PPP1R10: variants seen among roughly 807,000 people sequenced by gnomAD.
The protein encoded by PPP1R10 is protein phosphatase 1 regulatory subunit 10, also known as serine/threonine-protein phosphatase 1 regulatory subunit 10.
A neutral mutation model predicts 99.0 loss-of-function variants in PPP1R10; 15 were observed. The ratio of observed to expected loss-of-function variants is 0.15; its 90% CI spans 0.10 to 0.23. The LOEUF (loss-of-function observed/expected upper bound fraction) is 0.23, where lower values mean the gene tolerates loss of function less well. Among genes scored for constraint, PPP1R10 ranks in the 10% least tolerant of loss-of-function variants. The pLI is 1.00. For synonymous variants in PPP1R10, 430 were observed against 449.5 expected, an observed-to-expected ratio of 0.96 and a Z score of 0.55; for missense variants, 947 against 1,259.4, an observed-to-expected ratio of 0.75 and a Z score of 3.75.
chr6:30,607,781 AG>A, intron 6 of PPP1R10, 58 bp downstream of exon 6: 1 of 1,522,978 alleles, frequency 6.6e-7, no homozygotes. Context: ...AAAGATATTA[AG>A]GTAATTAAGT....
Position 30,602,472 on chromosome 6 carries a change from C to A in PPP1R10, c.2177G>T (p.Arg726Ile). The stretch of plus-strand genomic sequence containing the variant: ...GGGTCCTCCTCCAGAGCGACCTCCT[C>A]TGGCGCCTCGGAATGGAGGAGGAGG... ...PPPPPPFRGA[R>I]GGRSGGGPPN... Residue 726 changes from arginine (R) to isoleucine (I), a missense_variant, in exon 19 of 20, where the codon AGA becomes ATA. Physicochemically the swap from Arg to Ile is moderately conservative, Grantham distance 97. This residue lies in a region of PPP1R10 where 525 missense variants were observed against 578.8 expected (regional missense o/e 0.91). Transcript: ENST00000376511. The surrounding 1 kb of genome is among the most constrained non-coding windows in gnomAD (Gnocchi z 6.7). 2 of 1,589,744 alleles carry A rather than the reference C, an allele frequency of 1.3e-6. No individual in the cohort carries two copies. The highest frequency in any genetic ancestry group is 1.7e-5 in the Admixed American group (1 of 57,930).
intron 2 of PPP1R10, among the ~76,000 whole-genome samples, chr6:30,615,769 A>G (rs989008756): frequency 2.0e-5 from 3 of 152,158 alleles, no homozygotes; most frequent in African/African-American, 7.2e-5. Context: ...TGCAACAATT[A>G]TAAGACATTC....
At position 30,616,998 on chromosome 6, in the gene PPP1R10, C is replaced by T. The variant is rs1166176208; in HGVS notation, c.-532G>A. On this transcript the variant is annotated splice_region_variant and 5_prime_UTR_variant, in exon 2 of 20. Coordinates refer to ENST00000376511, the MANE Select transcript of PPP1R10 (RefSeq NM_002714.4). ...CTGTCTTTCTCCGAGAAAATTCAAA[C>T]CTGGGATAAAAGGAACACAAGGGAG... 1 of 152,224 alleles carries T rather than the reference C, an allele frequency of 6.6e-6. No individual in the cohort carries two copies. The highest frequency in any genetic ancestry group is 6.5e-5 in the Admixed American group (1 of 15,272). 9.4% of individuals were successfully genotyped at this position (152,224 alleles called of 1,614,324 possible). A position where few individuals can be genotyped will look rare whatever the true frequency, so the allele number is the denominator to read the frequency against.
Position 30,606,444 on chromosome 6 carries a change from C to A in PPP1R10, c.634+24G>T, listed in dbSNP as rs371771563. The A allele has an allele frequency of 1.2e-6, 2 of 1,611,768 alleles. No individual in the cohort carries two copies. The highest frequency in any genetic ancestry group is 3.3e-5 in the Admixed American group (2 of 59,986). The stretch of plus-strand genomic sequence containing the variant: ...GGGTGTGCACATGCCCATGAACCCT[C>A]CAGAGGCCAGCCGCCAGTCTTACCA... On this transcript the variant is annotated intron_variant, in intron 8 of 19. Transcript: ENST00000376511. This position sits in a 1 kb window ranked among gnomAD's most constrained non-coding sequence, Gnocchi z 6.3.
Position 30,602,583 on chromosome 6 carries a change from C to T in PPP1R10, c.2066G>A (p.Gly689Asp), listed in dbSNP as rs1282129976. Residue 689 changes from glycine to aspartate, a missense_variant, in exon 19 of 20, where the codon GGT becomes GAT. This residue lies in a region of PPP1R10 where 525 missense variants were observed against 578.8 expected (regional missense o/e 0.91). Transcript: ENST00000376511. This position sits in a 1 kb window ranked among gnomAD's most constrained non-coding sequence, Gnocchi z 6.7. ...TCCTGGACCCCCCCGCATTGGGCCA[C>T]CCCGCATAGGGTCGCCCGGGCCATC... Reference protein sequence around the residue: ...FWDGPGDPMRGGPMRGGPGPG... With the variant: ...FWDGPGDPMRDGPMRGGPGPG... The T allele has an allele frequency of 6.4e-7, 1 of 1,571,086 alleles. No individual in the cohort carries two copies. The highest frequency in any genetic ancestry group is 1.4e-5 in the African/African-American group (1 of 72,998).
Position 30,606,900 on chromosome 6 carries a change from A to G in PPP1R10, c.383-44T>C. The G allele has an allele frequency of 6.6e-7, 1 of 1,519,348 alleles. No individual in the cohort carries two copies. Among genetic ancestry groups the G allele is most frequent in the Non-Finnish European group, 9.1e-7 (1 of 1,099,038 alleles). 94.1% of individuals were successfully genotyped at this position (1,519,348 alleles called of 1,614,324 possible). A position where few individuals can be genotyped will look rare whatever the true frequency, so the allele number is the denominator to read the frequency against. On this transcript the variant is annotated intron_variant, in intron 6 of 19. Coordinates refer to ENST00000376511, the MANE Select transcript of PPP1R10 (RefSeq NM_002714.4). This position sits in a 1 kb window ranked among gnomAD's most constrained non-coding sequence, Gnocchi z 6.3. ...GGAAATGCCTAAATAATGTAAAGTAACATTCTTCCAGGAACAGAAAATGGG... is the reference window on the plus strand; with the variant it reads ...GGAAATGCCTAAATAATGTAAAGTAGCATTCTTCCAGGAACAGAAAATGGG...
intron 6 of PPP1R10, among the ~76,000 whole-genome samples, chr6:30,607,096 T>G (rs186581398): frequency 9.9e-4 from 151 of 152,296 alleles, no homozygotes; most frequent in Admixed American, 2.3e-3. Context: ...CACTCTGGAG[T>G]AAAAAGACCT....
At chr6:30,615,820 GATTAT>G (rs1351856425) in intron 2 of PPP1R10, among the ~76,000 whole-genome samples, 1 of 152,084 alleles carries the variant, frequency 6.6e-6, no homozygotes, top group Non-Finnish European at 1.5e-5. Context: ...CTGGCACTAA[GATTAT>G]ATTTTGTCCT....
chr6:30,608,104 T>C (rs2127444377), intron 5 of PPP1R10, among the ~76,000 whole-genome samples: 1 of 151,632 alleles, frequency 6.6e-6, no homozygotes. Context: ...TTCTCCCACC[T>C]GAGCCTCCTA....
chr6:30,601,876 C>A (rs1457640900), intron 19 of PPP1R10, 60 bp downstream of exon 19: 4 of 1,451,212 alleles, frequency 2.8e-6, no homozygotes, highest in Non-Finnish European at 3.6e-6. Flanking sequence ...CTCTCACCCA[C>A]TCCCCAAAAG....
chr6:30,617,218 A>T lies in PPP1R10; in HGVS notation c.-533+6T>A, dbSNP rs1203658288. On this transcript the variant is annotated splice_donor_region_variant and intron_variant, in intron 1 of 19. Coordinates refer to ENST00000376511, the MANE Select transcript of PPP1R10 (RefSeq NM_002714.4). ...ACCCACTAGACGACAAAGTAGGCAA[A>T]CTTACCTCTAAACGAACCCCAGAAT... 1 of 153,410 alleles carries T rather than the reference A, an allele frequency of 6.5e-6. No individual in the cohort carries two copies. Among genetic ancestry groups the T allele is most frequent in the Admixed American group, 6.5e-5 (1 of 15,336 alleles). The allele number at this position is 153,410 out of a possible 1,614,324, so 9.5% of individuals were successfully genotyped here. A position where few individuals can be genotyped will look rare whatever the true frequency, so the allele number is the denominator to read the frequency against.
In PPP1R10 at chr6:30,616,918, C is replaced by T. The variant is rs1363974753; in HGVS notation, c.-452G>A. 1 of 152,284 alleles carries T rather than the reference C, an allele frequency of 6.6e-6. No individual in the cohort carries two copies. Among genetic ancestry groups the T allele is most frequent in the Non-Finnish European group, 1.5e-5 (1 of 68,096 alleles). 9.4% of individuals were successfully genotyped at this position (152,284 alleles called of 1,614,324 possible). A position where few individuals can be genotyped will look rare whatever the true frequency, so the allele number is the denominator to read the frequency against. On this transcript the variant is annotated 5_prime_UTR_variant, in exon 2 of 20. Coordinates refer to ENST00000376511, the MANE Select transcript of PPP1R10 (RefSeq NM_002714.4). ...TTCCCTTTCCCCCCTCTCTCAGGATCCTTTCAAGGGCTTAGATGTTGCTGC... is the reference window on the plus strand; with the variant it reads ...TTCCCTTTCCCCCCTCTCTCAGGATTCTTTCAAGGGCTTAGATGTTGCTGC...
At chr6:30,616,012 A>G (rs1256763514) in intron 2 of PPP1R10, among the ~76,000 whole-genome samples, 2 of 152,164 alleles carry the variant, frequency 1.3e-5, no homozygotes, top group African/African-American at 4.8e-5. Flanking sequence ...ATTGCTTATT[A>G]ATCTGGCAAA....
In PPP1R10 at chr6:30,602,257, G is replaced by T. The variant is rs1340212530; in HGVS notation, c.2392C>A (p.Arg798Ser). Residue 798 changes from arginine to serine, a missense_variant, in exon 19 of 20, where the codon CGT becomes AGT. By Grantham distance (110) the Arg-to-Ser change is moderately radical. Around this residue, in one of 10 missense-constraint regions of PPP1R10, gnomAD observed 525 missense variants for 578.8 expected, o/e 0.91. Transcript: ENST00000376511. The surrounding 1 kb of genome is among the most constrained non-coding windows in gnomAD (Gnocchi z 6.7). The part of the protein sequence containing the change: ...GGSMGGGGGH[R>S]PHEGPGGGIS... ...CCACCGCCAGGGCCTTCGTGGGGAC[G>T]ATGTCCTCCACCCCCACCCATGCTA... 1 of 1,611,960 alleles carries T rather than the reference G, an allele frequency of 6.2e-7. No homozygotes were observed. Among genetic ancestry groups the T allele is most frequent in the Non-Finnish European group, 8.5e-7 (1 of 1,179,422 alleles).
At chr6:30,615,345 A>G (rs1417388568) in intron 2 of PPP1R10, among the ~76,000 whole-genome samples, 3 of 152,152 alleles carry the variant, frequency 2.0e-5, no homozygotes, top group Non-Finnish European at 2.9e-5. Flanking sequence ...AAAAAGAACA[A>G]TTTTCTGCAG....
At chr6:30,601,881 CA>C in intron 19 of PPP1R10, 54 bp downstream of exon 19, 1 of 1,455,158 alleles carries the variant, frequency 6.9e-7, no homozygotes. Context: ...ACCCACTCCC[CA>C]AAAGCTTGTA....
rs554819860 is a variant in PPP1R10, at chr6:30,603,058, G to A, written c.1844-99C>T. On this transcript the variant is annotated intron_variant, in intron 17 of 19. Coordinates refer to ENST00000376511, the MANE Select transcript of PPP1R10 (RefSeq NM_002714.4). ...CAACTGACCCTCTCAAACCAACCTG[G>A]CAGAGCAATGCTCTCTCTGTCCAGT... 1.2e-5 allele frequency: 16 copies of A among 1,353,268 alleles called. 1 individual carries two copies. The South Asian group carries it at 2.1e-4, about 18-fold the overall frequency. 83.8% of individuals were successfully genotyped at this position (1,353,268 alleles called of 1,614,324 possible).
Position 30,604,279 on chromosome 6 carries a change from G to C in PPP1R10, c.1262-25C>G, listed in dbSNP as rs201551393. The C allele has an allele frequency of 3.1e-6, 5 of 1,613,842 alleles. No individual in the cohort carries two copies. Among genetic ancestry groups the C allele is most frequent in the Non-Finnish European group, 3.4e-6 (4 of 1,179,740 alleles). On this transcript the variant is annotated intron_variant, in intron 13 of 19. Transcript: ENST00000376511. The surrounding 1 kb of genome is among the most constrained non-coding windows in gnomAD (Gnocchi z 7.3). ...ACTGTCGGCAGGGGAAGAAAAGCAA[G>C]AGGGAAAGTAAGCACAACCAAGTCC...
chr6:30,604,454 T>A lies in PPP1R10; in HGVS notation c.1160A>T (p.Asn387Ile), dbSNP rs1170553777. ...CTTCCTGCCTTTCCGGGTCAGTTGG[T>A]TAGGATCTCCAGGACTCTCCACTGG... ...AKPVESPGDP[N>I]QLTRKGRKRK... Residue 387 changes from asparagine (N) to isoleucine (I), a missense_variant, in exon 13 of 20, where the codon AAC becomes ATC. Coordinates refer to ENST00000376511, the MANE Select transcript of PPP1R10 (RefSeq NM_002714.4). The surrounding 1 kb of genome is among the most constrained non-coding windows in gnomAD (Gnocchi z 7.3). The A allele has an allele frequency of 1.2e-5, 20 of 1,613,078 alleles. No individual in the cohort carries two copies. The highest frequency in any genetic ancestry group is 1.6e-5 in the Non-Finnish European group (19 of 1,180,044).
Sources: gnomAD v4.1 joint callset for allele counts (sites outside exome capture counted in the v4.1 genomes callset) on GRCh38, gnomAD v4.1.1 for gene constraint, gnomAD v4.1.1 regional missense constraint, Gnocchi (gnomAD v3.1) non-coding constraint, MANE v1.5 for transcripts, NCBI Gene and HGNC (gene_info 2026-07-23, HGNC 2026-07-21) for gene names.